PPP4R2: variants seen among roughly 807,000 people sequenced by gnomAD.
PPP4R2 encodes serine/threonine-protein phosphatase 4 regulatory subunit 2.
A neutral mutation model predicts 47.2 loss-of-function variants in PPP4R2; 13 were observed. The observed-to-expected ratio is 0.28, with a 90% confidence interval of 0.18 to 0.44. PPP4R2 has a LOEUF of 0.44. PPP4R2 is among the 20% of genes least tolerant of loss of function. PPP4R2 has a pLI of 1.00. For synonymous variants in PPP4R2, 151 were observed against 163.3 expected (o/e 0.92, Z 0.57); for missense variants, 421 against 491.2 (o/e 0.86, Z 1.35).
At chr3:73,040,267 A>G (rs1054004688) in intron 2 of PPP4R2, among the ~76,000 whole-genome samples, 1 of 152,212 alleles carries the variant, frequency 6.6e-6, no homozygotes, top group Non-Finnish European at 1.5e-5. Flanking sequence ...CAAATGTAAC[A>G]TGTTGCTTTA....
At chr3:73,026,219 T>C (rs943206305) in intron 2 of PPP4R2, among the ~76,000 whole-genome samples, 1 of 152,174 alleles carries the variant, frequency 6.6e-6, no homozygotes, top group Admixed American at 6.5e-5. Context: ...TTCCCTGTGT[T>C]TTTCTTTTCT....
rs566163648 is a variant in PPP4R2, at chr3:73,014,009, A to G, written c.116+15851A>G. On this transcript the variant is annotated intron_variant, in intron 2 of 8. Coordinates refer to ENST00000356692, the MANE Select transcript of PPP4R2 (RefSeq NM_174907.4). Reference sequence around the variant, plus strand: ...GTCTTCATGGGCTGCATAATATTTTATTGTTTTGGGTGTTCTTTATTTAAC... The same window carrying G: ...GTCTTCATGGGCTGCATAATATTTTGTTGTTTTGGGTGTTCTTTATTTAAC... 1.0e-4 allele frequency among the ~76,000 whole-genome samples: 9 copies of G among 88,444 alleles called. 3 individuals are homozygous for G. The highest frequency in any genetic ancestry group is 4.3e-4 in the Admixed American group (4 of 9,338). The allele number at this position is 88,444 out of a possible 152,430, so 58.0% of individuals were successfully genotyped here.
rs1031420442 is a variant in PPP4R2, at chr3:72,997,278, G to C, written c.34+207G>C. 245 of 413,720 alleles carry C rather than the reference G, an allele frequency of 5.9e-4. 3 individuals carry two copies. The highest frequency in any genetic ancestry group is 8.3e-5 in the Non-Finnish European group (19 of 229,134). 25.6% of individuals were successfully genotyped at this position (413,720 alleles called of 1,614,324 possible). A position where few individuals can be genotyped will look rare whatever the true frequency, so the allele number is the denominator to read the frequency against. ...CGCTCTGGCTTTGTGTCGGCCGCCG[G>C]CGTCTGGGCTGGGGGAGGGGAGCCG... On this transcript the variant is annotated intron_variant, in intron 1 of 8. Coordinates refer to ENST00000356692, the MANE Select transcript of PPP4R2 (RefSeq NM_174907.4).
In PPP4R2 at chr3:73,068,879, C is replaced by T. The variant is rs941845301; in HGVS notation, c.*3157C>T. 5 of 151,950 alleles carry T rather than the reference C, an allele frequency of 3.3e-5. No individual in the cohort carries two copies. The highest frequency in any genetic ancestry group is 9.7e-5 in the African/African-American group (4 of 41,334). 9.4% of individuals were successfully genotyped at this position (151,950 alleles called of 1,614,324 possible). On this transcript the variant is annotated 3_prime_UTR_variant, in exon 9 of 9. Coordinates refer to ENST00000356692, the MANE Select transcript of PPP4R2 (RefSeq NM_174907.4). ...CAAAACCAAAGGAATTAAAAATTTT[C>T]GGTAGTGTTTCAAATTGTCTTCTGA... is the stretch of plus-strand genomic sequence containing the variant.
chr3:73,015,821 G>T (rs759836263), intron 2 of PPP4R2: 2 of 443,118 alleles, frequency 4.5e-6, no homozygotes, highest in African/African-American at 4.1e-5. Context: ...TGTGTGTTTA[G>T]TAGAGACGGG....
chr3:73,047,740 T>C (rs1231786626), intron 3 of PPP4R2, among the ~76,000 whole-genome samples: 1 of 152,196 alleles, frequency 6.6e-6, no homozygotes, highest in Non-Finnish European at 1.5e-5. Context: ...TTGTTTAGAC[T>C]TTTTTTGGAG....
At chr3:73,018,466 G>GTTTGTTATGTTATGTTATGTTATGTTATT (rs1553646475) in intron 2 of PPP4R2, among the ~76,000 whole-genome samples, 1 of 68,748 alleles carries the variant, frequency 1.5e-5, no homozygotes, top group African/African-American at 6.5e-5. Flanking sequence ...TGTTATGTTA[G>GTTTGTTATGTTATGTTATGTTATGTTATT]TATCCGAAAC....
intron 2 of PPP4R2, among the ~76,000 whole-genome samples, chr3:73,005,833 C>CCAAAAAAAAAA (rs1553644898): frequency 2.5e-5 from 3 of 121,784 alleles, no homozygotes; most frequent in South Asian, 2.8e-4. Context: ...ACTCTGTCTG[C>CCAAAAAAAAAA]AAAAAAAAAA....
At position 73,019,731 on chromosome 3, in the gene PPP4R2, GT is replaced by G. The variant is rs1309475276; in HGVS notation, c.116+21574del. On this transcript the variant is annotated intron_variant, in intron 2 of 8. Transcript: ENST00000356692. ...AATAGAAATTATTATTGGGATTGGA[GT>G]CATGAGTGTGAGTGGGTGAAAGTGT... Among the ~76,000 whole-genome samples the G allele has an allele frequency of 2.0e-5, 3 of 152,160 alleles. No individual in the cohort carries two copies. The East Asian group carries it at 5.8e-4, about 29-fold the overall frequency.
At chr3:73,015,903 G>C (rs1349423909) in intron 2 of PPP4R2, 13 of 332,906 alleles carry the variant, frequency 3.9e-5, no homozygotes, top group South Asian at 2.7e-4. Flanking sequence ...CTCCCAAAGT[G>C]CTGGGATTAC....
At chr3:73,048,353 A>G (rs539724995) in intron 3 of PPP4R2, among the ~76,000 whole-genome samples, 1 of 152,276 alleles carries the variant, frequency 6.6e-6, no homozygotes, top group South Asian at 2.1e-4. Flanking sequence ...GCCAGGTTCA[A>G]GCAATTCTGC....
intron 2 of PPP4R2, among the ~76,000 whole-genome samples, chr3:73,023,797 T>C (rs1252378406): frequency 6.6e-6 from 1 of 152,120 alleles, no homozygotes; most frequent in African/African-American, 2.4e-5. Context: ...CCGTGAAAAA[T>C]GAAAGTATAC....
At chr3:73,033,563 G>A (rs956160007) in intron 2 of PPP4R2, among the ~76,000 whole-genome samples, 4 of 152,142 alleles carry the variant, frequency 2.6e-5, no homozygotes, top group Non-Finnish European at 5.9e-5. Context: ...CTTTTTAACC[G>A]TTGCTAAATG....
At chr3:73,041,857 A>C (rs4676899) in intron 2 of PPP4R2, among the ~76,000 whole-genome samples, 69,414 of 152,148 alleles carry the variant, frequency 0.46, 16,108 homozygotes, top group South Asian at 0.57. Flanking sequence ...CCTCTGGAAA[A>C]TACCTTTAGC....
intron 2 of PPP4R2, among the ~76,000 whole-genome samples, chr3:73,027,523 G>T (rs1261707200): frequency 6.6e-6 from 1 of 152,112 alleles, no homozygotes; most frequent in East Asian, 1.9e-4. Flanking sequence ...TACTGTAGAT[G>T]GTTTGTAGAC....
chr3:73,027,686 T>TGTGTG (rs1246443182), intron 2 of PPP4R2: 15 of 129,464 alleles, frequency 1.2e-4, no homozygotes, highest in Admixed American at 1.1e-3. Flanking sequence ...GTGTGTGTGT[T>TGTGTG]TGTGTGTGTG....
At chr3:73,022,313 A>G (rs956627194) in intron 2 of PPP4R2, among the ~76,000 whole-genome samples, 7 of 150,156 alleles carry the variant, frequency 4.7e-5, no homozygotes, top group African/African-American at 1.7e-4. Context: ...GCCCTTTAAG[A>G]GAGTAATTTT....
In PPP4R2 at chr3:73,014,377, C is replaced by A. The variant is rs1241904727; in HGVS notation, c.116+16219C>A. 2.6e-5 allele frequency among the ~76,000 whole-genome samples: 4 copies of A among 151,166 alleles called. 1 individual carries two copies. In the South Asian group the frequency reaches 6.3e-4, roughly 24 times the overall value. On this transcript the variant is annotated intron_variant, in intron 2 of 8. Transcript: ENST00000356692. ...CATAGCTTACTGCAACCTCAAACTCCTAGGCTCAAGTGATTTTCCCACCTG... is the reference window on the plus strand; with the variant it reads ...CATAGCTTACTGCAACCTCAAACTCATAGGCTCAAGTGATTTTCCCACCTG...
chr3:73,004,857 G>GTGTT (rs768316571), intron 2 of PPP4R2, among the ~76,000 whole-genome samples: 1 of 138,934 alleles, frequency 7.2e-6, no homozygotes, highest in African/African-American at 2.9e-5. Flanking sequence ...GTGTGTGTGT[G>GTGTT]TGTGTGTGTG....
Sources: gnomAD v4.1 joint callset for allele counts (sites outside exome capture counted in the v4.1 genomes callset) on GRCh38, gnomAD v4.1.1 for gene constraint, MANE v1.5 for transcripts, NCBI Gene and HGNC (gene_info 2026-07-23, HGNC 2026-07-21) for gene names.